The following EGFR variants were observed in gnomAD, a reference collection of about 807,000 sequenced individuals.
The protein encoded by EGFR is avian erythroblastic leukemia viral (v-erb-b) oncogene homolog.
A neutral mutation model predicts 143.0 loss-of-function variants in EGFR; 58 were observed. The observed-to-expected ratio is 0.41, with a 90% CI of 0.33 to 0.50. The LOEUF (loss-of-function observed/expected upper bound fraction) is 0.50. EGFR is among the 20% of genes least tolerant of loss of function. The probability of loss-of-function intolerance (pLI) is 0.39; values close to 1 mark genes in which losing one functional copy is unlikely to be tolerated. For synonymous variants in EGFR, 613 were observed against 594.4 expected (o/e 1.03, Z -0.45); for missense variants, 1,307 against 1,579.0 (o/e 0.83, Z 2.92).
At chr7:55,149,321 A>G (rs1336764605) in intron 4 of EGFR, among the ~76,000 whole-genome samples, 1 of 152,080 alleles carries the variant, frequency 6.6e-6, no homozygotes, top group Non-Finnish European at 1.5e-5. Context: ...CTGGCCCAGA[A>G]CATGAGCAGC....
rs150329889 is a variant in EGFR at position 55,186,287 on chromosome 7, C to T, written c.2469+4809C>T. Among the ~76,000 whole-genome samples the T allele has an allele frequency of 5.8e-4, 88 of 152,362 alleles. 1 individual carries two copies. Among genetic ancestry groups the T allele is most frequent in the Middle Eastern group, 3.4e-3 (1 of 294 alleles). ...AGAGACCCTGGCTTGCTCTACATTGCTTCCAATGCAACTGCAAGGCAGGTC... is the reference window on the plus strand; with the variant it reads ...AGAGACCCTGGCTTGCTCTACATTGTTTCCAATGCAACTGCAAGGCAGGTC... On this transcript the variant is annotated intron_variant, in intron 20 of 27. Transcript: ENST00000275493.
chr7:55,176,773 T>A (rs573439858), intron 19 of EGFR, among the ~76,000 whole-genome samples: 173 of 148,782 alleles, frequency 1.2e-3, no homozygotes, highest in African/African-American at 4.2e-3. Flanking sequence ...TATAGATATC[T>A]ATATATACTC....
chr7:55,031,115 G>A (rs1403166375), intron 1 of EGFR, among the ~76,000 whole-genome samples: 1 of 152,202 alleles, frequency 6.6e-6, no homozygotes, highest in African/African-American at 2.4e-5. Flanking sequence ...AGTAGCAAAG[G>A]AAAAAGTCCT....
At chr7:55,076,903 C>T (rs896837921) in intron 1 of EGFR, among the ~76,000 whole-genome samples, 1 of 151,926 alleles carries the variant, frequency 6.6e-6, no homozygotes, top group Non-Finnish European at 1.5e-5. Context: ...ACAAATAAAA[C>T]AGTTAGGGAA....
chr7:55,053,720 G>A (rs990755630), intron 1 of EGFR, among the ~76,000 whole-genome samples: 19 of 152,344 alleles, frequency 1.2e-4, no homozygotes, highest in African/African-American at 2.2e-4. Context: ...GGCCAGGCCC[G>A]CAGCACTCCG....
intron 27 of EGFR, among the ~76,000 whole-genome samples, chr7:55,204,645 T>TC (rs1491044906): frequency 5.9e-5 from 4 of 67,936 alleles, no homozygotes; most frequent in African/African-American, 2.6e-4. Flanking sequence ...CACACATACA[T>TC]ACACATACAC....
At chr7:55,028,090 A>G (rs1032313279) in intron 1 of EGFR, among the ~76,000 whole-genome samples, 5 of 148,224 alleles carry the variant, frequency 3.4e-5, no homozygotes, top group Non-Finnish European at 7.4e-5. Flanking sequence ...AAGAGCATTC[A>G]TGAAGGATTT....
At chr7:55,055,006 C>A (rs1040969952) in intron 1 of EGFR, among the ~76,000 whole-genome samples, 1 of 152,196 alleles carries the variant, frequency 6.6e-6, no homozygotes, top group Non-Finnish European at 1.5e-5. Flanking sequence ...CTGTTCACAG[C>A]GGCACCTGAG....
intron 1 of EGFR, among the ~76,000 whole-genome samples, chr7:55,087,106 G>A (rs916217097): frequency 6.6e-6 from 1 of 151,758 alleles, no homozygotes; most frequent in Admixed American, 6.6e-5. Flanking sequence ...TTTTCCCCCC[G>A]CGCTGTGAGT....
intron 15 of EGFR, chr7:55,166,164 C>T: frequency 2.3e-6 from 1 of 426,096 alleles, no homozygotes; most frequent in South Asian, 2.1e-5. Flanking sequence ...AAAACAAAAA[C>T]AAAAAAAAAA....
chr7:55,085,855 A>T (rs578052703), intron 1 of EGFR, among the ~76,000 whole-genome samples: 2 of 152,292 alleles, frequency 1.3e-5, no homozygotes, highest in East Asian at 3.9e-4. Context: ...GGCCCAACTG[A>T]TGCAGTGGCA....
rs1793823582 is a variant in EGFR at position 55,131,384 on chromosome 7, A to G, written c.89-10902A>G. 2.0e-5 allele frequency among the ~76,000 whole-genome samples: 3 copies of G among 152,236 alleles called. No homozygotes were observed. In the South Asian group the frequency reaches 6.2e-4, roughly 32 times the overall value. ...AACATGACATGTTTCTATAACTTGA[A>G]AAAAGCAAGCAGTGGACTGCTCATT... On this transcript the variant is annotated intron_variant, in intron 1 of 27. Transcript: ENST00000275493.
chr7:55,084,352 C>T (rs1225028484), intron 1 of EGFR, among the ~76,000 whole-genome samples: 1 of 152,228 alleles, frequency 6.6e-6, no homozygotes, highest in Non-Finnish European at 1.5e-5. Flanking sequence ...GCATGGCCGC[C>T]TGCTTCTCCA....
At chr7:55,075,465 C>A (rs1176076908) in intron 1 of EGFR, among the ~76,000 whole-genome samples, 1 of 152,208 alleles carries the variant, frequency 6.6e-6, no homozygotes, top group Non-Finnish European at 1.5e-5. Flanking sequence ...GCAACCACTA[C>A]CACAACAATG....
In EGFR at chr7:55,020,642, G is replaced by A. The variant is rs371797509; in HGVS notation, c.88+1277G>A. On this transcript the variant is annotated intron_variant, in intron 1 of 27. Transcript: ENST00000275493. ...TGTGCCAAGTGTGCAGACAGAACAT[G>A]AGCGAGTCTGGCTTCGTGACTACCG... Among the ~76,000 whole-genome samples the A allele has an allele frequency of 2.0e-5, 3 of 151,950 alleles. No homozygotes were observed. In the East Asian group the frequency reaches 5.8e-4, roughly 29 times the overall value.
intron 1 of EGFR, among the ~76,000 whole-genome samples, chr7:55,127,104 T>C (rs913480055): frequency 6.6e-5 from 10 of 152,334 alleles, no homozygotes; most frequent in African/African-American, 2.4e-4. Flanking sequence ...TACATCCCAA[T>C]GGTGATGTGA....
chr7:55,150,364 C>G (rs1785088868), intron 4 of EGFR, among the ~76,000 whole-genome samples: 1 of 152,206 alleles, frequency 6.6e-6, no homozygotes. Context: ...ATGCCAGCCT[C>G]CCCGGCCTTC....
chr7:55,205,190 C>T (rs1562810304), intron 27 of EGFR, 66 bp from the exon 28 acceptor site: 4 of 1,595,132 alleles, frequency 2.5e-6, no homozygotes, highest in African/African-American at 1.3e-5. Context: ...GGGTTCAGAA[C>T]CCAGGGATCC....
intron 1 of EGFR, among the ~76,000 whole-genome samples, chr7:55,022,105 C>T (rs951401033): frequency 1.8e-4 from 28 of 152,150 alleles, no homozygotes; most frequent in Non-Finnish European, 7.3e-5. Flanking sequence ...GCATTCCTGC[C>T]GAGTTCCTCA....
Sources: allele counts gnomAD v4.1 joint callset (sites outside exome capture counted in the v4.1 genomes callset), GRCh38; gene constraint gnomAD v4.1.1; transcripts MANE v1.5; gene names NCBI Gene and HGNC (gene_info 2026-07-23, HGNC 2026-07-21).